The following RAB37 variants were observed in gnomAD, a reference collection of about 807,000 sequenced individuals.
RAB37 encodes the protein RAB37, member RAS oncogene family.
Under a neutral mutation model 33.1 loss-of-function variants are expected in RAB37, and 29 were observed. The ratio of observed to expected loss-of-function variants is 0.88; its 90% CI spans 0.65 to 1.20. RAB37 has a LOEUF of 1.20. Ranked by LOEUF, RAB37 falls within the 50% of genes most tolerant of loss-of-function variation. RAB37 has a pLI of 0.00. For missense variants in RAB37, 299 were observed against 301.1 expected (o/e 0.99, Z 0.05); for synonymous variants, 128 against 119.5 (o/e 1.07, Z -0.47).
rs2031710372 is a variant in RAB37 at position 74,671,705 on chromosome 17, G to T, written c.72+47G>T. ...CAACCTAACGTTGGAAGAGGCGCCA[G>T]CACCAGGAGTTTTCTCCACTCCCCT... On this transcript the variant is annotated intron_variant, in intron 1 of 7. Coordinates refer to the RAB37 transcript ENST00000340415. The surrounding 1 kb of genome is among the most constrained non-coding windows in gnomAD (Gnocchi z 5.0). The T allele has an allele frequency of 6.4e-7, 1 of 1,565,874 alleles. No homozygotes were observed. The highest frequency in any genetic ancestry group is 1.1e-5 in the South Asian group (1 of 90,054).
intron 1 of RAB37, chr17:74,704,583 C>A (rs772874356): frequency 3.1e-6 from 5 of 1,614,090 alleles, no homozygotes; most frequent in Middle Eastern, 1.6e-4. Context: ...TCCATGGTCA[C>A]AGTGAACGTG....
At chr17:74,705,138 C>T in intron 1 of RAB37, 1 of 681,034 alleles carries the variant, frequency 1.5e-6, no homozygotes, top group Non-Finnish European at 2.7e-6. Flanking sequence ...CTTTTGCAGC[C>T]ATCTTTGTGT....
At chr17:74,700,010 C>T (rs1025042097) in intron 1 of RAB37, among the ~76,000 whole-genome samples, 5 of 151,826 alleles carry the variant, frequency 3.3e-5, no homozygotes, top group Admixed American at 2.0e-4. Flanking sequence ...GGTGGGGTGG[C>T]GTGTGTCTGT....
At chr17:74,693,522 G>T (rs575607042) in intron 1 of RAB37, among the ~76,000 whole-genome samples, 2 of 152,314 alleles carry the variant, frequency 1.3e-5, no homozygotes, top group East Asian at 3.9e-4. Context: ...ACCAGGCAGG[G>T]AATGGTTGCT....
intron 1 of RAB37, among the ~76,000 whole-genome samples, chr17:74,717,527 G>A (rs2034180736): frequency 6.6e-6 from 1 of 152,148 alleles, no homozygotes. Flanking sequence ...GGCCCCAGAG[G>A]GCTGGGCGCG....
Position 74,744,786 on chromosome 17 carries a change from G to A in RAB37, c.433-87G>A. On this transcript the variant is annotated intron_variant, in intron 6 of 8. Transcript: ENST00000392613. This position sits in a 1 kb window ranked among gnomAD's most constrained non-coding sequence, Gnocchi z 4.2. ...GCAGTCCCTTGGGCCACCAGCAGAG[G>A]GCAGGCAACGCCTGCTTCTGGGGCA... The A allele has an allele frequency of 6.7e-7, 1 of 1,498,086 alleles. No homozygotes were observed. Among genetic ancestry groups the A allele is most frequent in the Non-Finnish European group, 9.3e-7 (1 of 1,074,672 alleles). The allele number at this position is 1,498,086 out of a possible 1,614,324, so 92.8% of individuals were successfully genotyped here. A position where few individuals can be genotyped will look rare whatever the true frequency, so the allele number is the denominator to read the frequency against.
At chr17:74,732,520 G>A (rs1264556184), upstream of RAB37, among the ~76,000 whole-genome samples, 1 of 150,068 alleles carries the variant, frequency 6.7e-6, no homozygotes, top group Non-Finnish European at 1.5e-5. Flanking sequence ...TGTGTGGTGT[G>A]ATTTGAGGTG....
chr17:74,704,568 G>A, intron 1 of RAB37: 1 of 1,614,172 alleles, frequency 6.2e-7, no homozygotes, highest in Non-Finnish European at 8.5e-7. Flanking sequence ...GTTTTCATGA[G>A]ATCCTCCATG....
At chr17:74,734,593 C>T (rs2034438232), upstream of RAB37, among the ~76,000 whole-genome samples, 1 of 152,130 alleles carries the variant, frequency 6.6e-6, no homozygotes, top group Non-Finnish European at 1.5e-5. Flanking sequence ...CCTGTAATCC[C>T]AATACTTTGG....
chr17:74,723,057 C>T (rs1051691558), intron 1 of RAB37, among the ~76,000 whole-genome samples: 3 of 152,216 alleles, frequency 2.0e-5, no homozygotes, highest in African/African-American at 7.2e-5. Flanking sequence ...CTGCATTTAT[C>T]AAGGGTCGAT....
intron 5 of RAB37, among the ~76,000 whole-genome samples, chr17:74,743,956 C>T (rs2034685088): frequency 6.6e-6 from 1 of 152,192 alleles, no homozygotes; most frequent in South Asian, 2.1e-4. Flanking sequence ...ACTAATCAAT[C>T]ACAGTACTTT....
At chr17:74,698,715 G>A in intron 1 of RAB37, 1 of 1,032,662 alleles carries the variant, frequency 9.7e-7, no homozygotes. Context: ...GAGGATGGAG[G>A]GTGGGAGGAA....
At chr17:74,684,375 G>A (rs1255611199) in intron 1 of RAB37, among the ~76,000 whole-genome samples, 1 of 151,236 alleles carries the variant, frequency 6.6e-6, no homozygotes, top group Non-Finnish European at 1.5e-5. Flanking sequence ...TTATAGGCGT[G>A]AGCCACCACA....
chr17:74,736,667 T>C, upstream of RAB37: 2 of 1,535,608 alleles, frequency 1.3e-6, no homozygotes, highest in Non-Finnish European at 1.7e-6. Flanking sequence ...TGATCCATAC[T>C]AAAGGGTCAA....
chr17:74,692,462 G>T (rs2032178024), intron 1 of RAB37, among the ~76,000 whole-genome samples: 1 of 151,950 alleles, frequency 6.6e-6, no homozygotes, highest in Non-Finnish European at 1.5e-5. Flanking sequence ...GATGCCCTTG[G>T]GGTGTCCATA....
At chr17:74,720,191 C>A (rs2034220425) in intron 1 of RAB37, among the ~76,000 whole-genome samples, 1 of 152,186 alleles carries the variant, frequency 6.6e-6, no homozygotes, top group Admixed American at 6.5e-5. Flanking sequence ...CTGGGTTCAG[C>A]CCCTCGTGAG....
Position 74,744,602 on chromosome 17 carries a change from A to AT in RAB37, c.432+231dup, listed in dbSNP as rs933710576. 4.8e-6 allele frequency: 3 copies of AT among 626,242 alleles called. No homozygotes were observed. Among genetic ancestry groups the AT allele is most frequent in the Non-Finnish European group, 8.5e-6 (3 of 354,912 alleles). The allele number at this position is 626,242 out of a possible 1,614,324, so 38.8% of individuals were successfully genotyped here. A position where few individuals can be genotyped will look rare whatever the true frequency, so the allele number is the denominator to read the frequency against. On this transcript the variant is annotated intron_variant, in intron 6 of 8. Coordinates refer to ENST00000392613, the MANE Select transcript of RAB37 (RefSeq NM_001006638.3). This position sits in a 1 kb window ranked among gnomAD's most constrained non-coding sequence, Gnocchi z 4.2. ...AAGGGGTGCCCAGTTCTCAGCCCCC[A>AT]TTAGAGCAGAGTGAACAGGGTCCCA...
intron 1 of RAB37, among the ~76,000 whole-genome samples, chr17:74,715,756 G>T (rs143529730): frequency 6.6e-6 from 1 of 152,144 alleles, no homozygotes; most frequent in Admixed American, 6.5e-5. Context: ...GGCCGGGCAC[G>T]GTGGCTTACA....
intron 1 of RAB37, 150 bp downstream of exon 1, chr17:74,737,515 C>G (rs1598321841): frequency 2.1e-6 from 2 of 958,338 alleles, no homozygotes; most frequent in Non-Finnish European, 3.0e-6. Context: ...CTGGGGCCGT[C>G]CCAAGCTCTA....
Sources: allele counts gnomAD v4.1 joint callset (sites outside exome capture counted in the v4.1 genomes callset), GRCh38; gene constraint gnomAD v4.1.1; non-coding constraint Gnocchi (gnomAD v3.1); transcripts MANE v1.5; gene names NCBI Gene and HGNC (gene_info 2026-07-23, HGNC 2026-07-21).